The following DIS3L variants were observed in gnomAD, a reference collection of about 807,000 sequenced individuals.
DIS3L encodes the protein DIS3 like exosome 3'-5' exoribonuclease.
DIS3L carries 100 observed loss-of-function variants against 120.3 expected under a neutral mutation model. That is an observed-to-expected ratio of 0.83 (90% CI 0.71 to 0.98). The LOEUF (loss-of-function observed/expected upper bound fraction) is 0.98. Among genes scored for constraint, DIS3L ranks in the 50% least tolerant of loss-of-function variants. The probability of loss-of-function intolerance (pLI) is 0.00; values close to 1 mark genes in which losing one functional copy is unlikely to be tolerated. For missense variants in DIS3L, 1,196 were observed against 1,314.2 expected (o/e 0.91, Z 1.39); for synonymous variants, 426 against 470.6 (o/e 0.91, Z 1.23).
At chr15:66,305,002 T>C (rs2092689166) in intron 2 of DIS3L, among the ~76,000 whole-genome samples, 1 of 141,818 alleles carries the variant, frequency 7.1e-6, no homozygotes, top group South Asian at 2.3e-4. Context: ...CGATTTCTTT[T>C]TTTTTTTTTT....
At chr15:66,331,798 T>G (rs1448440189) in intron 14 of DIS3L, 77 bp from the exon 15 acceptor site, 18 of 1,383,976 alleles carry the variant, frequency 1.3e-5, no homozygotes, top group Non-Finnish European at 1.6e-5. Context: ...AATCTCACAT[T>G]TGAATGAATA....
At position 66,331,903 on chromosome 15, in the gene DIS3L, C is replaced by T; in HGVS notation, c.2564C>T (p.Thr855Ile). 6.2e-7 allele frequency: 1 copy of T among 1,611,588 alleles called. No homozygotes were observed. Among genetic ancestry groups the T allele is most frequent in the South Asian group, 1.1e-5 (1 of 90,482 alleles). Residue 855 changes from threonine (T) to isoleucine (I), a missense_variant, in exon 15 of 17, where the codon ACT becomes ATT. By Grantham distance (89) the Thr-to-Ile change is moderately conservative (BLOSUM62 -1). Transcript: ENST00000319212. ...GCACAGCATTCTCAGAAGCAGTCTA[C>T]TGAGCTCTTCCAGTGCATGTACTTC... ...QAAQHSQKQSTELFQCMYFKD... is the reference protein window; with the variant it reads ...QAAQHSQKQSIELFQCMYFKD...
rs767627746 is a variant in DIS3L, at chr15:66,322,814, T to G, written c.1454T>G (p.Val485Gly). The G allele has an allele frequency of 5.6e-6, 9 of 1,614,074 alleles. No individual in the cohort carries two copies. Among genetic ancestry groups the G allele is most frequent in the Non-Finnish European group, 6.8e-6 (8 of 1,180,038 alleles). Residue 485 changes from valine (V) to glycine (G), a missense_variant, in exon 10 of 17, where the codon GTG becomes GGG. Coordinates refer to ENST00000319212, the MANE Select transcript of DIS3L (RefSeq NM_001143688.3). ...ATTGACCCCAAAGGTTGTGAAGATG[T>G]GGATGACACACTCTCAGTCAGAACC... is the stretch of plus-strand genomic sequence containing the variant. ...FSIDPKGCED[V>G]DDTLSVRTLN...
rs547365730 is a variant in DIS3L at position 66,313,842 on chromosome 15, T to A, written c.736-197T>A. Among the ~76,000 whole-genome samples, 3 of 149,602 alleles carry A rather than the reference T, an allele frequency of 2.0e-5. No homozygotes were observed. The East Asian group carries it at 5.8e-4, about 29-fold the overall frequency. On this transcript the variant is annotated intron_variant, in intron 5 of 16. Coordinates refer to ENST00000319212, the MANE Select transcript of DIS3L (RefSeq NM_001143688.3). ...CTCGAAAAAAAGAAAAAAGTGTATA[T>A]GTGTGTGCGTATATATATGTGTGTA...
At chr15:66,317,943 CTTG>C (rs1045458787) in intron 7 of DIS3L, among the ~76,000 whole-genome samples, 3 of 151,318 alleles carry the variant, frequency 2.0e-5, no homozygotes, top group Non-Finnish European at 4.4e-5. Flanking sequence ...CATACCTTTT[CTTG>C]TTGTTGTTAT....
rs187543682 is a variant in DIS3L, at chr15:66,327,524, G to A, written c.2201+1160G>A. ...TGTAATCCCAGTACTTTGGGAGGCC[G>A]AGGCGGGCAGATCACGAGGTCAGGA... On this transcript the variant is annotated intron_variant, in intron 12 of 16. Transcript: ENST00000319212. Among the ~76,000 whole-genome samples the A allele has an allele frequency of 8.9e-3, 1,350 of 152,176 alleles. 20 individuals are homozygous for A. Among genetic ancestry groups the A allele is most frequent in the East Asian group, 0.037 (190 of 5,154 alleles).
intron 8 of DIS3L, 130 bp from the exon 9 acceptor site, chr15:66,320,441 T>A: frequency 3.2e-6 from 3 of 932,104 alleles, no homozygotes; most frequent in Non-Finnish European, 4.6e-6. Flanking sequence ...AACCCTACCA[T>A]ACACCACTAT....
chr15:66,327,829 A>G (rs2092954831), intron 12 of DIS3L, among the ~76,000 whole-genome samples: 1 of 152,182 alleles, frequency 6.6e-6, no homozygotes, highest in African/African-American at 2.4e-5. Flanking sequence ...TGGGAGGCTG[A>G]GGCAGGCACA....
At chr15:66,314,002 A>C in intron 5 of DIS3L, 37 bp from the exon 6 acceptor site, 1 of 1,517,806 alleles carries the variant, frequency 6.6e-7, no homozygotes, top group East Asian at 2.5e-5. Context: ...GCGGAAAAGA[A>C]CATTTTTCAT....
intron 7 of DIS3L, among the ~76,000 whole-genome samples, chr15:66,317,022 C>T (rs2092824116): frequency 6.6e-6 from 1 of 152,284 alleles, no homozygotes; most frequent in East Asian, 1.9e-4. Context: ...TTTCCACCAC[C>T]TGGATGAAGC....
intron 15 of DIS3L, among the ~76,000 whole-genome samples, chr15:66,332,456 CAA>C (rs369684200): frequency 8.9e-5 from 7 of 78,404 alleles, no homozygotes; most frequent in African/African-American, 2.2e-4. Context: ...GACTCTGTCT[CAA>C]AAAAAAAAAA....
At chr15:66,329,536 A>G (rs757555507) in intron 14 of DIS3L, 137 bp downstream of exon 14, 7 of 1,348,174 alleles carry the variant, frequency 5.2e-6, no homozygotes, top group Non-Finnish European at 4.8e-6. Context: ...CTTTCAGAAC[A>G]TTTGTAGATG....
At chr15:66,300,763 G>A (rs563427000) in intron 2 of DIS3L, among the ~76,000 whole-genome samples, 1 of 152,302 alleles carries the variant, frequency 6.6e-6, no homozygotes, top group Non-Finnish European at 1.5e-5. Context: ...AAGCCTGGGG[G>A]CAGGGGAGTC....
chr15:66,304,856 G>T (rs1232909762), intron 2 of DIS3L, among the ~76,000 whole-genome samples: 1 of 144,366 alleles, frequency 6.9e-6, no homozygotes, highest in Non-Finnish European at 1.5e-5. Context: ...AGCCGAGATC[G>T]TGCCACTGCA....
In DIS3L at chr15:66,333,784, A is replaced by T. The variant is rs537595618; in HGVS notation, c.*472A>T. 2.7e-5 allele frequency: 4 copies of T among 149,868 alleles called. No individual in the cohort carries two copies. The highest frequency in any genetic ancestry group is 9.7e-5 in the African/African-American group (4 of 41,438). The allele number at this position is 149,868 out of a possible 1,614,324, so 9.3% of individuals were successfully genotyped here. ...CTCATTCATTAAAGTTGCATTAAAT[A>T]AAGTATAATTAGGTCACTATGGAAA... is the stretch of plus-strand genomic sequence containing the variant. On this transcript the variant is annotated 3_prime_UTR_variant, in exon 17 of 17. Transcript: ENST00000319212.
chr15:66,318,009 CTG>C (rs1322144638), intron 7 of DIS3L, among the ~76,000 whole-genome samples: 4 of 152,172 alleles, frequency 2.6e-5, no homozygotes, highest in Non-Finnish European at 5.9e-5. Context: ...GCATCTCACT[CTG>C]TTGCCCAGGC....
intron 2 of DIS3L, among the ~76,000 whole-genome samples, chr15:66,306,295 T>C (rs1415409787): frequency 6.6e-6 from 1 of 152,224 alleles, no homozygotes; most frequent in Non-Finnish European, 1.5e-5. Flanking sequence ...CAGATGAGGC[T>C]AGCTCTCATT....
chr15:66,303,931 A>G (rs2092674413), intron 2 of DIS3L, among the ~76,000 whole-genome samples: 1 of 151,102 alleles, frequency 6.6e-6, no homozygotes, highest in South Asian at 2.1e-4. Flanking sequence ...GCTACTAAAA[A>G]TACAAAAAAT....
chr15:66,323,268 C>G (rs2092904460), intron 10 of DIS3L, among the ~76,000 whole-genome samples: 1 of 152,218 alleles, frequency 6.6e-6, no homozygotes. Flanking sequence ...CTTGCTCTTT[C>G]TTTCTCTTAT....
Sources: gnomAD v4.1 joint callset for allele counts (sites outside exome capture counted in the v4.1 genomes callset) on GRCh38, gnomAD v4.1.1 for gene constraint, MANE v1.5 for transcripts, NCBI Gene and HGNC (gene_info 2026-07-23, HGNC 2026-07-21) for gene names.